CHRNA4: variants seen among roughly 807,000 people sequenced by gnomAD.
CHRNA4 encodes the protein neuronal acetylcholine receptor subunit alpha-4.
In CHRNA4, 28 loss-of-function variants were observed where a neutral mutation model predicts 48.9. The observed-to-expected ratio is 0.57, with a 90% CI of 0.42 to 0.79. The LOEUF (loss-of-function observed/expected upper bound fraction) is 0.79. CHRNA4 is among the 30% of genes least tolerant of loss of function. The pLI is 0.00. For missense variants in CHRNA4, 859 were observed against 898.4 expected (o/e 0.96, Z 0.56); for synonymous variants, 425 against 402.3 (o/e 1.06, Z -0.68).
At chr20:63,360,736 G>C (rs1006839795) in intron 1 of CHRNA4, among the ~76,000 whole-genome samples, 1 of 152,234 alleles carries the variant, frequency 6.6e-6, no homozygotes, top group African/African-American at 2.4e-5. Context: ...GCAGGCATGG[G>C]GGTCTTCAGG....
chr20:63,346,827 C>A lies in CHRNA4; in HGVS notation c.1795G>T (p.Asp599Tyr). 1.9e-6 allele frequency: 3 copies of A among 1,612,664 alleles called. No individual in the cohort carries two copies. Among genetic ancestry groups the A allele is most frequent in the Non-Finnish European group, 2.5e-6 (3 of 1,179,672 alleles). The change falls in exon 6 of 6, where the codon GAC (aspartate) becomes TAC (tyrosine). Residue 599 changes from aspartate to tyrosine, a missense_variant. This residue lies in a region of CHRNA4 where 478 missense variants were observed against 455.4 expected (regional missense o/e 1.05). Coordinates refer to ENST00000370263, the MANE Select transcript of CHRNA4 (RefSeq NM_000744.7). ...ATGAACATCCAGAGGAAGATGCGGT[C>A]GATGACCATGGCCACGTACTTCCAG... is the stretch of plus-strand genomic sequence containing the variant. ...EDWKYVAMVIDRIFLWMFIIV... is the reference protein window; with the variant it reads ...EDWKYVAMVIYRIFLWMFIIV...
At chr20:63,349,561 G>T (rs1786577590) in intron 5 of CHRNA4, 92 bp downstream of exon 5, 3 of 1,524,298 alleles carry the variant, frequency 2.0e-6, no homozygotes, top group African/African-American at 2.7e-5. Context: ...TGAGGCCTGG[G>T]CCCGGCTCCT....
chr20:63,356,004 G>C lies in CHRNA4; in HGVS notation c.354C>G (p.Ile118Met). Residue 118 changes from isoleucine to methionine, a missense_variant, in exon 4 of 6, where the codon ATC (isoleucine) becomes ATG (methionine). Ile to Met is a conservative substitution (Grantham distance 10, BLOSUM62 1). Around this residue, in one of 3 missense-constraint regions of CHRNA4, gnomAD observed 342 missense variants for 365.3 expected, o/e 0.94. Coordinates refer to ENST00000370263, the MANE Select transcript of CHRNA4 (RefSeq NM_000744.7). ...VTSIRIPSEL[I>M]WRPDIVLYNN... ...TGTAGAGGACGATGTCCGGCCGCCA[G>C]ATGAGCTCGGAGGGGATGCGGATGG... is the stretch of plus-strand genomic sequence containing the variant. The C allele has an allele frequency of 6.2e-7, 1 of 1,611,848 alleles. No homozygotes were observed. Among genetic ancestry groups the C allele is most frequent in the Non-Finnish European group, 8.5e-7 (1 of 1,179,622 alleles).
rs1461283352 is a variant in CHRNA4, at chr20:63,350,541, C to T, written c.870G>A (p.Leu290=). The T allele has an allele frequency of 6.2e-7, 1 of 1,613,878 alleles. No homozygotes were observed. Among genetic ancestry groups the T allele is most frequent in the Admixed American group, 1.7e-5 (1 of 60,004 alleles). The change falls in exon 5 of 6, where the codon CTG becomes CTA. Residue 290 remains leucine, a synonymous_variant. Transcript: ENST00000370263. The part of the protein sequence containing the change: ...SVLLSLTVFL[L]LITEIIPSTS... ...TGGACGGGATGATCTCGGTGATGAG[C>T]AGCAGGAAGACGGTGAGCGACAGCA...
chr20:63,353,214 G>A (rs1336500694), intron 4 of CHRNA4, among the ~76,000 whole-genome samples: 3 of 152,202 alleles, frequency 2.0e-5, no homozygotes, highest in Admixed American at 2.0e-4. Flanking sequence ...CAGCCTGGCC[G>A]GCCACCAGCC....
At chr20:63,357,910 T>C (rs2068743598) in intron 2 of CHRNA4, among the ~76,000 whole-genome samples, 1 of 152,156 alleles carries the variant, frequency 6.6e-6, no homozygotes, top group South Asian at 2.1e-4. Context: ...CAATGTCTCC[T>C]GGGCAAACTG....
In CHRNA4 at chr20:63,343,747, G is replaced by C. The variant is rs1052949756; in HGVS notation, c.*2991C>G. 4.4e-6 allele frequency: 2 copies of C among 452,548 alleles called. No homozygotes were observed. Among genetic ancestry groups the C allele is most frequent in the Non-Finnish European group, 8.9e-6 (2 of 225,680 alleles). 28.0% of individuals were successfully genotyped at this position (452,548 alleles called of 1,614,324 possible). A position where few individuals can be genotyped will look rare whatever the true frequency, so the allele number is the denominator to read the frequency against. ...AGGGGGCAGGATGGCGCAAGCAGCC[G>C]CAGAGGGGCCGGCGCCCCGGCAGGC... On this transcript the variant is annotated 3_prime_UTR_variant, in exon 6 of 6. Coordinates refer to ENST00000370263, the MANE Select transcript of CHRNA4 (RefSeq NM_000744.7).
Position 63,356,535 on chromosome 20 carries a change from C to T in CHRNA4, c.229-120G>A, listed in dbSNP as rs910014653. On this transcript the variant is annotated intron_variant, in intron 2 of 5. Coordinates refer to ENST00000370263, the MANE Select transcript of CHRNA4 (RefSeq NM_000744.7). ...GCCAGGGCAAGATATGGTGGACGGGCGACCTGTGGAGGGGGTGAGTGCCCC... is the reference window on the plus strand; with the variant it reads ...GCCAGGGCAAGATATGGTGGACGGGTGACCTGTGGAGGGGGTGAGTGCCCC... 12 of 1,085,964 alleles carry T rather than the reference C, an allele frequency of 1.1e-5. No individual in the cohort carries two copies. The African/African-American group carries it at 1.4e-4, about 13-fold the overall frequency. The allele number at this position is 1,085,964 out of a possible 1,614,324, so 67.3% of individuals were successfully genotyped here. A position where few individuals can be genotyped will look rare whatever the true frequency, so the allele number is the denominator to read the frequency against.
At chr20:63,356,590 G>C in intron 2 of CHRNA4, 175 bp from the exon 3 acceptor site, 2 of 670,466 alleles carry the variant, frequency 3.0e-6, no homozygotes, top group Non-Finnish European at 5.4e-6. Context: ...CCCAGGATGG[G>C]GACTCTGAGG....
chr20:63,346,374 C>T lies in CHRNA4; in HGVS notation c.*364G>A, dbSNP rs201354870. On this transcript the variant is annotated 3_prime_UTR_variant, in exon 6 of 6. Coordinates refer to ENST00000370263, the MANE Select transcript of CHRNA4 (RefSeq NM_000744.7). ...CCCTTCAAGGGCCCCTTGGGGCGGTCGGGACCATCACCAGATCTGCTGAGA... is the reference window on the plus strand; with the variant it reads ...CCCTTCAAGGGCCCCTTGGGGCGGTTGGGACCATCACCAGATCTGCTGAGA... 4.2e-6 allele frequency: 2 copies of T among 481,928 alleles called. No homozygotes were observed. The highest frequency in any genetic ancestry group is 1.5e-5 in the South Asian group (1 of 64,716). The allele number at this position is 481,928 out of a possible 1,614,324, so 29.9% of individuals were successfully genotyped here.
intron 5 of CHRNA4, among the ~76,000 whole-genome samples, chr20:63,349,029 C>T (rs1038389473): frequency 1.3e-5 from 2 of 152,048 alleles, no homozygotes; most frequent in African/African-American, 4.8e-5. Context: ...TGGCCCCGGG[C>T]CCCGGGGGGC....
rs113648681 is a variant in CHRNA4 at position 63,351,493 on chromosome 20, C to T, written c.384-466G>A. Among the ~76,000 whole-genome samples, 187 of 152,346 alleles carry T rather than the reference C, an allele frequency of 1.2e-3. 2 individuals are homozygous for T. Among genetic ancestry groups the T allele is most frequent in the African/African-American group, 4.2e-3 (174 of 41,566 alleles). On this transcript the variant is annotated intron_variant, in intron 4 of 5. Transcript: ENST00000370263. The stretch of plus-strand genomic sequence containing the variant: ...CGCATGGATGGGGCTAGTCTCCCAG[C>T]GTCACCTCCTGGGACACACGGCATC...
chr20:63,352,354 C>G (rs6011775), intron 4 of CHRNA4, among the ~76,000 whole-genome samples: 1 of 152,182 alleles, frequency 6.6e-6, no homozygotes, highest in African/African-American at 2.4e-5. Flanking sequence ...CCCTCCAGGT[C>G]GTGGAGACCT....
intron 2 of CHRNA4, among the ~76,000 whole-genome samples, chr20:63,356,763 CT>C (rs2068725270): frequency 6.6e-6 from 1 of 152,182 alleles, no homozygotes; most frequent in Admixed American, 6.5e-5. Context: ...GGGGCAGCCC[CT>C]CTGCAGACAA....
intron 1 of CHRNA4, 198 bp from the exon 2 acceptor site, chr20:63,359,897 C>CTGTGTGTGTGTGTG (rs57641753): frequency 3.0e-5 from 13 of 436,240 alleles, no homozygotes; most frequent in African/African-American, 6.4e-5. Flanking sequence ...CGGGCGTGTG[C>CTGTGTGTGTGTGTG]TGTGTGTGTG....
Position 63,350,781 on chromosome 20 carries a change from G to A in CHRNA4, c.630C>T (p.Val210=), listed in dbSNP as rs2068584679. The A allele has an allele frequency of 6.2e-7, 1 of 1,613,644 alleles. No homozygotes were observed. Among genetic ancestry groups the A allele is most frequent in the Non-Finnish European group, 8.5e-7 (1 of 1,179,938 alleles). ...TGTAGGTGCCCACGGCATCCACGAT[G>A]ACCCACTCGCCACTCTCCCAGAAGT... The part of the protein sequence containing the change: ...QLDFWESGEW[V]IVDAVGTYNT... The change falls in exon 5 of 6, where the codon GTC becomes GTT. Residue 210 remains valine, a synonymous_variant. Transcript: ENST00000370263.
Position 63,350,647 on chromosome 20 carries a change from A to G in CHRNA4, c.764T>C (p.Leu255Pro). The change falls in exon 5 of 6, where the codon CTG becomes CCG. Residue 255 changes from leucine to proline, a missense_variant. By Grantham distance (98) the Leu-to-Pro change is moderately conservative. Coordinates refer to ENST00000370263, the MANE Select transcript of CHRNA4 (RefSeq NM_000744.7). ...FYTINLIIPC[L>P]LISCLTVLVF... is the part of the protein sequence containing the mutation. The stretch of plus-strand genomic sequence containing the variant: ...CAGCACGGTGAGGCAGGAGATGAGC[A>G]GGCAGGGGATGATGAGGTTGATGGT... The G allele has an allele frequency of 6.2e-7, 1 of 1,614,004 alleles. No individual in the cohort carries two copies. Among genetic ancestry groups the G allele is most frequent in the South Asian group, 1.1e-5 (1 of 91,068 alleles).
rs374354698 is a variant in CHRNA4 at position 63,346,867 on chromosome 20, C to T, written c.1759-4G>A. 3.5e-5 allele frequency: 56 copies of T among 1,612,246 alleles called. No individual in the cohort carries two copies. In the South Asian group the frequency reaches 4.2e-4, roughly 12 times the overall value. ...CGTACTTCCAGTCCTCCTTCACCTG[C>T]AAGCACAGACGCCGTCACTCCAGCA... On this transcript the variant is annotated splice_polypyrimidine_tract_variant and splice_region_variant and intron_variant, in intron 5 of 5. Transcript: ENST00000370263.
intron 1 of CHRNA4, chr20:63,360,236 G>C (rs1459290612): frequency 1.8e-5 from 3 of 168,212 alleles, no homozygotes; most frequent in African/African-American, 4.7e-5. Context: ...GGAGGAAGGG[G>C]AAGGAGGATC....
Sources: allele counts gnomAD v4.1 joint callset (sites outside exome capture counted in the v4.1 genomes callset), GRCh38; gene constraint gnomAD v4.1.1; regional missense constraint gnomAD v4.1.1; transcripts MANE v1.5; gene names NCBI Gene and HGNC (gene_info 2026-07-23, HGNC 2026-07-21).